FUT8: variants seen among roughly 807,000 people sequenced by gnomAD.
The protein encoded by FUT8 is alpha-(1,6)-fucosyltransferase.
FUT8 carries 29 observed loss-of-function variants against 71.3 expected under a neutral mutation model. That is an observed-to-expected ratio of 0.41 (90% CI 0.30 to 0.55). The LOEUF (loss-of-function observed/expected upper bound fraction) is 0.55. Ranked by LOEUF, FUT8 falls within the 20% of genes least tolerant of loss-of-function variation. FUT8 has a pLI of 0.34. For missense variants in FUT8, 544 were observed against 702.1 expected (o/e 0.77, Z 2.55); for synonymous variants, 254 against 239.3 (o/e 1.06, Z -0.57).
At chr14:65,608,226 T>G (rs1248237002) in intron 3 of FUT8, among the ~76,000 whole-genome samples, 3 of 151,878 alleles carry the variant, frequency 2.0e-5, no homozygotes, top group Non-Finnish European at 4.4e-5. Flanking sequence ...AATATAGTAA[T>G]TTTTGATATG....
Position 65,669,432 on chromosome 14 carries a change from A to G in FUT8, c.787A>G (p.Ser263Gly). Residue 263 changes from serine (S) to glycine (G), a missense_variant, in exon 7 of 11, where the codon AGT becomes GGT. By Grantham distance (56) the Ser-to-Gly change is moderately conservative. Coordinates refer to ENST00000673929, the MANE Select transcript of FUT8 (RefSeq NM_001371533.1). This position sits in a 1 kb window ranked among gnomAD's most constrained non-coding sequence, Gnocchi z 4.5. ...GGWETVFRPV[S>G]ETCTDRSGIS... ...ATGGGAGACTGTATTTAGGCCTGTA[A>G]GTGAGACATGCACAGACAGATCTGG... The G allele has an allele frequency of 6.2e-7, 1 of 1,613,758 alleles. No individual in the cohort carries two copies. Among genetic ancestry groups the G allele is most frequent in the Non-Finnish European group, 8.5e-7 (1 of 1,179,786 alleles).
At chr14:65,601,366 A>C (rs1343599530) in intron 3 of FUT8, among the ~76,000 whole-genome samples, 1 of 152,180 alleles carries the variant, frequency 6.6e-6, no homozygotes, top group Non-Finnish European at 1.5e-5. Flanking sequence ...GGAATATTTC[A>C]GTCCTATGGG....
In FUT8 at chr14:65,439,954, G is replaced by GTATACGTA. The variant is rs1555360999; in HGVS notation, c.-325-15663_-325-15662insCGTATATA. Among the ~76,000 whole-genome samples the GTATACGTA allele has an allele frequency of 7.1e-3, 534 of 74,982 alleles. 48 individuals carry two copies. The highest frequency in any genetic ancestry group is 9.9e-3 in the Non-Finnish European group (399 of 40,294). 49.2% of individuals were successfully genotyped at this position (74,982 alleles called of 152,430 possible). A position where few individuals can be genotyped will look rare whatever the true frequency, so the allele number is the denominator to read the frequency against. ...ATAAAGAAAATGTGTGTGTGTGTGT[G>GTATACGTA]TATATATATATATATATATATATAT... On this transcript the variant is annotated intron_variant, in intron 1 of 10. Coordinates refer to ENST00000673929, the MANE Select transcript of FUT8 (RefSeq NM_001371533.1).
intron 3 of FUT8, among the ~76,000 whole-genome samples, chr14:65,611,677 C>G (rs1889007575): frequency 6.6e-6 from 1 of 151,446 alleles, no homozygotes. Flanking sequence ...TTTCTTTTTT[C>G]TGAGATGGAG....
In FUT8 at chr14:65,615,984, A is replaced by G; in HGVS notation, c.210A>G (p.Pro70=). Residue 70 remains proline, a synonymous_variant, in exon 4 of 11, where the codon CCA becomes CCG. Coordinates refer to ENST00000673929, the MANE Select transcript of FUT8 (RefSeq NM_001371533.1). The stretch of plus-strand genomic sequence containing the variant: ...TATCTTCCCTAAACTACAGGATACC[A>G]GAAGGCCCTATTGATCAGGGGCCAG... ...LRRMAESLRI[P]EGPIDQGPAI... The G allele has an allele frequency of 6.2e-7, 1 of 1,610,052 alleles. No homozygotes were observed. The highest frequency in any genetic ancestry group is 8.5e-7 in the Non-Finnish European group (1 of 1,177,426).
At chr14:65,572,414 A>G (rs922203239) in intron 3 of FUT8, among the ~76,000 whole-genome samples, 12 of 152,218 alleles carry the variant, frequency 7.9e-5, no homozygotes, top group Admixed American at 7.9e-4. Context: ...AGATGTAGAC[A>G]GAGAAGTACA....
At chr14:65,565,978 CATG>C (rs1192071151) in intron 3 of FUT8, among the ~76,000 whole-genome samples, 1 of 151,560 alleles carries the variant, frequency 6.6e-6, no homozygotes, top group African/African-American at 2.4e-5. Flanking sequence ...AAAACAAAAA[CATG>C]GTGGCATAAA....
chr14:65,685,091 C>T (rs1893215342), intron 7 of FUT8, among the ~76,000 whole-genome samples: 1 of 152,172 alleles, frequency 6.6e-6, no homozygotes, highest in Admixed American at 6.5e-5. Flanking sequence ...CCTGCCTCCT[C>T]TCTATATTTA....
the FUT8 span, among the ~76,000 whole-genome samples, chr14:65,374,757 G>T: frequency 8.2e-6 from 1 of 122,124 alleles, no homozygotes; most frequent in Non-Finnish European, 2.0e-5. Context: ...ACCACGCCTG[G>T]CTAATTTTTT....
intron 5 of FUT8, among the ~76,000 whole-genome samples, chr14:65,620,657 A>G (rs1000331864): frequency 6.6e-6 from 1 of 152,092 alleles, no homozygotes; most frequent in Non-Finnish European, 1.5e-5. Flanking sequence ...TTTGTGTTTT[A>G]TTTCATATAC....
chr14:65,369,398 G>C, the FUT8 span, among the ~76,000 whole-genome samples: 12 of 152,234 alleles, frequency 7.9e-5, no homozygotes, highest in African/African-American at 2.7e-4. This position sits in a 1 kb window ranked among gnomAD's most constrained non-coding sequence, Gnocchi z 4.6. Context: ...GTTTAAATCA[G>C]AGTGACTTCA....
intron 3 of FUT8, among the ~76,000 whole-genome samples, chr14:65,580,172 G>A (rs1887007824): frequency 6.6e-6 from 1 of 150,836 alleles, no homozygotes. Context: ...ACATCATAGA[G>A]TATACTTACA....
chr14:65,545,711 A>G (rs187594836), intron 2 of FUT8, among the ~76,000 whole-genome samples: 1 of 151,976 alleles, frequency 6.6e-6, no homozygotes, highest in Non-Finnish European at 1.5e-5. Flanking sequence ...GGAAATCACT[A>G]TTATTTGAAT....
chr14:65,596,925 A>G (rs1244863844), intron 3 of FUT8, among the ~76,000 whole-genome samples: 1 of 152,236 alleles, frequency 6.6e-6, no homozygotes, highest in Non-Finnish European at 1.5e-5. Context: ...AGCTGTTATC[A>G]TATTCCTTAT....
rs2066262876 is a variant in FUT8 at position 65,477,366 on chromosome 14, T to C, written c.-228+21648T>C. 2.0e-5 allele frequency among the ~76,000 whole-genome samples: 3 copies of C among 152,220 alleles called. 1 individual carries two copies. The South Asian group carries it at 6.2e-4, about 32-fold the overall frequency. ...CCCTAGGTCTCTGACTTCAAACATATAGTTGTTGGAGACTATGAATACCTT... is the reference window on the plus strand; with the variant it reads ...CCCTAGGTCTCTGACTTCAAACATACAGTTGTTGGAGACTATGAATACCTT... On this transcript the variant is annotated intron_variant, in intron 2 of 10. Coordinates refer to ENST00000673929, the MANE Select transcript of FUT8 (RefSeq NM_001371533.1).
intron 2 of FUT8, among the ~76,000 whole-genome samples, chr14:65,542,254 G>C (rs1884719095): frequency 6.6e-6 from 1 of 152,154 alleles, no homozygotes; most frequent in South Asian, 2.1e-4. Context: ...GATATGTCCT[G>C]CTTGATTCTT....
intron 6 of FUT8, among the ~76,000 whole-genome samples, chr14:65,651,090 A>C (rs2140323455): frequency 6.6e-6 from 1 of 152,348 alleles, no homozygotes; most frequent in Middle Eastern, 3.4e-3. Context: ...TGGATGCTAC[A>C]GCCACAGAGA....
At position 65,643,499 on chromosome 14, in the gene FUT8, A is replaced by G. The variant is rs1454115659; in HGVS notation, c.597+13893A>G. The stretch of plus-strand genomic sequence containing the variant: ...GAAACCCTGTCTCTACTAAAAATAC[A>G]AAAGATTAGCCGGGCGTGGTGGCGG... On this transcript the variant is annotated intron_variant, in intron 6 of 10. Coordinates refer to ENST00000673929, the MANE Select transcript of FUT8 (RefSeq NM_001371533.1). The surrounding 1 kb of genome is among the most constrained non-coding windows in gnomAD (Gnocchi z 4.5). Among the ~76,000 whole-genome samples the G allele has an allele frequency of 6.6e-6, 1 of 151,918 alleles. No homozygotes were observed. The highest frequency in any genetic ancestry group is 1.9e-4 in the East Asian group (1 of 5,180).
At chr14:65,527,487 A>T (rs867209351) in intron 2 of FUT8, among the ~76,000 whole-genome samples, 13 of 152,100 alleles carry the variant, frequency 8.5e-5, no homozygotes, top group Non-Finnish European at 1.2e-4. Context: ...CAAGGTTTTT[A>T]GCTTCTTTGT....
Sources: allele counts gnomAD v4.1 joint callset (sites outside exome capture counted in the v4.1 genomes callset), GRCh38; gene constraint gnomAD v4.1.1; non-coding constraint Gnocchi (gnomAD v3.1); transcripts MANE v1.5; gene names NCBI Gene and HGNC (gene_info 2026-07-23, HGNC 2026-07-21).